RMST: variants seen among roughly 807,000 people sequenced by gnomAD.
The protein encoded by RMST is rhabdomyosarcoma 2 associated transcript.
intron 10 of RMST, among the ~76,000 whole-genome samples, chr12:97,511,902 T>C (rs1156757470): frequency 6.6e-6 from 1 of 152,254 alleles, no homozygotes; most frequent in African/African-American, 2.4e-5. Flanking sequence ...TTTTAGCTAT[T>C]GGAAACAATC....
chr12:97,514,438 T>G (rs1481523467), intron 10 of RMST, among the ~76,000 whole-genome samples: 1 of 152,224 alleles, frequency 6.6e-6, no homozygotes, highest in Non-Finnish European at 1.5e-5. Flanking sequence ...AAATAGTGAT[T>G]GGAGATTTGC....
At position 97,464,298 on chromosome 12, in the gene RMST, T is replaced by C. The variant is rs76622902; in HGVS notation, n.584+1009T>C. ...TTTCATTTCCCACAATTTAAAAGCA[T>C]TGTTTATGTTCCTGATACAACACAT... On this transcript the variant is annotated intron_variant and non_coding_transcript_variant, in intron 4 of 13. Transcript: ENST00000640149. Among the ~76,000 whole-genome samples the C allele has an allele frequency of 3.2e-3, 492 of 152,262 alleles. 3 individuals carry two copies. Among genetic ancestry groups the C allele is most frequent in the African/African-American group, 0.011 (457 of 41,564 alleles).
chr12:97,531,629 T>A (rs1413943840), intron 11 of RMST, among the ~76,000 whole-genome samples: 1 of 151,788 alleles, frequency 6.6e-6, no homozygotes, highest in East Asian at 1.9e-4. Flanking sequence ...GAGGAAGAGG[T>A]CTCAAAAAAT....
chr12:97,465,903 T>C (rs1010842990), intron 5 of RMST, among the ~76,000 whole-genome samples: 17 of 152,210 alleles, frequency 1.1e-4, no homozygotes, highest in Admixed American at 9.2e-4. Context: ...TTCTGAAGAT[T>C]GGCTAGCTTT....
chr12:97,507,991 A>T (rs1046072617), intron 10 of RMST, among the ~76,000 whole-genome samples: 2 of 152,222 alleles, frequency 1.3e-5, no homozygotes, highest in Non-Finnish European at 2.9e-5. Context: ...TCTTGAGCAG[A>T]AGAAACTCAG....
At chr12:97,526,938 G>A (rs1881173800) in intron 10 of RMST, among the ~76,000 whole-genome samples, 1 of 152,098 alleles carries the variant, frequency 6.6e-6, no homozygotes, top group Non-Finnish European at 1.5e-5. Flanking sequence ...AGATGTTGTT[G>A]TTGTTGTTGT....
chr12:97,564,962 T>C (rs1460028175), exon 14 of RMST: 1 of 152,226 alleles, frequency 6.6e-6, no homozygotes, highest in African/African-American at 2.4e-5. Flanking sequence ...TAATATTGAC[T>C]ATTTACCTCT....
At chr12:97,469,295 T>G (rs1347223063) in intron 5 of RMST, among the ~76,000 whole-genome samples, 1 of 151,706 alleles carries the variant, frequency 6.6e-6, no homozygotes, top group Non-Finnish European at 1.5e-5. Context: ...AGAATGTGCT[T>G]CAAGAAGTTA....
intron 11 of RMST, among the ~76,000 whole-genome samples, chr12:97,532,028 T>G (rs111562618): frequency 5.3e-5 from 8 of 151,984 alleles, no homozygotes; most frequent in African/African-American, 1.4e-4. Context: ...CATTATGAAT[T>G]TTAAAGCCTT....
At chr12:97,507,701 A>T (rs1167735925) in intron 10 of RMST, among the ~76,000 whole-genome samples, 2 of 152,158 alleles carry the variant, frequency 1.3e-5, no homozygotes, top group Non-Finnish European at 2.9e-5. Context: ...ATGAACATGG[A>T]ACTCAAAATG....
intron 10 of RMST, among the ~76,000 whole-genome samples, chr12:97,521,717 G>A (rs1880531981): frequency 6.6e-6 from 1 of 152,120 alleles, no homozygotes; most frequent in African/African-American, 2.4e-5. Flanking sequence ...AAGGAAATGT[G>A]AAAGGTTACT....
intron 5 of RMST, among the ~76,000 whole-genome samples, chr12:97,481,479 C>T (rs1307775236): frequency 6.6e-6 from 1 of 152,074 alleles, no homozygotes; most frequent in African/African-American, 2.4e-5. Flanking sequence ...TGGCCAGTTA[C>T]CATGCCAAAG....
intron 11 of RMST, among the ~76,000 whole-genome samples, chr12:97,560,114 T>G (rs1339830867): frequency 6.6e-6 from 1 of 152,072 alleles, no homozygotes; most frequent in East Asian, 1.9e-4. Flanking sequence ...TTAATAATTA[T>G]CCCTCTAATT....
chr12:97,497,430 A>G (rs1171385508), intron 10 of RMST, among the ~76,000 whole-genome samples: 1 of 152,220 alleles, frequency 6.6e-6, no homozygotes, highest in Non-Finnish European at 1.5e-5. Context: ...TTCAAGATCA[A>G]CAAGTTCAAA....
chr12:97,551,946 A>T (rs1022555938), intron 11 of RMST: 1 of 152,164 alleles, frequency 6.6e-6, no homozygotes, highest in Non-Finnish European at 1.5e-5. Context: ...CAGAATATTT[A>T]ACATTGTGAC....
At chr12:97,493,166 T>C (rs1356538491) in intron 6 of RMST, 1 of 152,628 alleles carries the variant, frequency 6.6e-6, no homozygotes, top group Non-Finnish European at 1.5e-5. Flanking sequence ...TTTGTTGCTA[T>C]ATTTTGTTAG....
At chr12:97,463,017 G>GGCTCTCTCTCTCTCTCTC (rs776237347) in intron 3 of RMST, 1 of 129,898 alleles carries the variant, frequency 7.7e-6, no homozygotes, top group Non-Finnish European at 1.7e-5. Flanking sequence ...CAAGTCAGCA[G>GGCTCTCTCTCTCTCTCTC]TCTCTCTCTC....
chr12:97,464,751 A>T (rs1872970699), intron 4 of RMST: 1 of 152,138 alleles, frequency 6.6e-6, no homozygotes, highest in South Asian at 2.1e-4. Flanking sequence ...TTGGGGACTT[A>T]GCAGTCTTTT....
chr12:97,501,561 T>C (rs1265586269), intron 10 of RMST, among the ~76,000 whole-genome samples: 2 of 152,206 alleles, frequency 1.3e-5, no homozygotes, highest in Non-Finnish European at 2.9e-5. Flanking sequence ...AAATTAAAAC[T>C]TGCAGGATGA....
Sources: allele counts gnomAD v4.1 joint callset (sites outside exome capture counted in the v4.1 genomes callset), GRCh38; gene constraint gnomAD v4.1.1; transcripts MANE v1.5; gene names NCBI Gene and HGNC (gene_info 2026-07-23, HGNC 2026-07-21).